The following PXDN variants were observed in gnomAD, a reference collection of about 807,000 sequenced individuals.
PXDN encodes the protein peroxidasin homolog.
A neutral mutation model predicts 140.3 loss-of-function variants in PXDN; 77 were observed. That is an observed-to-expected ratio of 0.55 (90% CI 0.46 to 0.66). PXDN has a LOEUF of 0.66. Among genes scored for constraint, PXDN ranks in the 30% least tolerant of loss-of-function variants. The pLI is 0.00. For synonymous variants in PXDN, 911 were observed against 857.4 expected (o/e 1.06, Z -1.09); for missense variants, 1,838 against 2,039.5 (o/e 0.90, Z 1.90).
In PXDN at chr2:1,632,383, C is replaced by G. The variant is rs749731137; in HGVS notation, c.*1821G>C. 6.6e-6 allele frequency: 1 copy of G among 152,188 alleles called. No homozygotes were observed. Among genetic ancestry groups the G allele is most frequent in the Non-Finnish European group, 1.5e-5 (1 of 68,048 alleles). The allele number at this position is 152,188 out of a possible 1,614,324, so 9.4% of individuals were successfully genotyped here. ...ACTTACATAACCATCAGCTTTTAGA[C>G]GAACTTACACATTTCCTATTTGACA... On this transcript the variant is annotated 3_prime_UTR_variant, in exon 23 of 23. Transcript: ENST00000252804. The surrounding 1 kb of genome is among the most constrained non-coding windows in gnomAD (Gnocchi z 4.3).
At chr2:1,719,834 TTGTGTGTGTGTGTGTGTGTG>T (rs36227356) in intron 1 of PXDN, among the ~76,000 whole-genome samples, 7 of 108,264 alleles carry the variant, frequency 6.5e-5, no homozygotes, top group Non-Finnish European at 1.3e-4. Context: ...CATGCGTGCA[TTGTGTGTGTGTGTGTGTGTG>T]TGTGTGTGTG....
At chr2:1,716,190 C>T (rs915617460) in intron 1 of PXDN, among the ~76,000 whole-genome samples, 1 of 152,106 alleles carries the variant, frequency 6.6e-6, no homozygotes, top group South Asian at 2.1e-4. Flanking sequence ...GTAATCCCAG[C>T]ACTTTGGCAG....
chr2:1,700,190 T>C (rs186176553), intron 1 of PXDN, among the ~76,000 whole-genome samples: 87 of 152,286 alleles, frequency 5.7e-4, no homozygotes, highest in African/African-American at 1.9e-3. Flanking sequence ...GCCTCCCAAG[T>C]AGCTGGGATT....
intron 18 of PXDN, 38 bp downstream of exon 18, chr2:1,644,580 C>A: frequency 6.4e-7 from 1 of 1,553,976 alleles, no homozygotes; most frequent in Non-Finnish European, 8.7e-7. Flanking sequence ...AAGAAGGTGG[C>A]TTAGGAGCGT....
At chr2:1,716,085 CTGTGGCTT>C (rs1243459277) in intron 1 of PXDN, among the ~76,000 whole-genome samples, 1 of 152,160 alleles carries the variant, frequency 6.6e-6, no homozygotes, top group African/African-American at 2.4e-5. Flanking sequence ...ACCTGACTGG[CTGTGGCTT>C]CCTGGACAGA....
At chr2:1,738,589 C>A (rs915780385) in intron 1 of PXDN, among the ~76,000 whole-genome samples, 1 of 150,878 alleles carries the variant, frequency 6.6e-6, no homozygotes, top group African/African-American at 2.4e-5. Flanking sequence ...CGCTCTGTCA[C>A]CCAGGCTGCA....
chr2:1,709,268 G>T (rs1314846385), intron 1 of PXDN, among the ~76,000 whole-genome samples: 2 of 152,168 alleles, frequency 1.3e-5, no homozygotes, highest in African/African-American at 4.8e-5. Context: ...TGACCACGGC[G>T]CTCGCTGCAG....
Position 1,662,176 on chromosome 2 carries a change from C to A in PXDN, c.1576G>T (p.Val526Leu), listed in dbSNP as rs371823717. 6 of 1,584,006 alleles carry A rather than the reference C, an allele frequency of 3.8e-6. No individual in the cohort carries two copies. The highest frequency in any genetic ancestry group is 5.2e-6 in the Non-Finnish European group (6 of 1,164,568). ...GTGTCGCTGGGAATGCTGGCAAACACTGGGGTGACTGGAAGGCAGATGTAG... is the reference window on the plus strand; with the variant it reads ...GTGTCGCTGGGAATGCTGGCAAACAATGGGGTGACTGGAAGGCAGATGTAG... The part of the protein sequence containing the change: ...HLTVQPRVTP[V>L]FASIPSDTTV... Residue 526 changes from valine to leucine, a missense_variant, in exon 13 of 23, where the codon GTG becomes TTG. Val to Leu is a conservative substitution (Grantham distance 32). This residue lies in a region of PXDN where 537 missense variants were observed against 583.9 expected (regional missense o/e 0.92). Coordinates refer to ENST00000252804, the MANE Select transcript of PXDN (RefSeq NM_012293.3).
At chr2:1,697,140 A>G (rs1233554691) in intron 1 of PXDN, among the ~76,000 whole-genome samples, 3 of 152,218 alleles carry the variant, frequency 2.0e-5, no homozygotes, top group Non-Finnish European at 4.4e-5. Flanking sequence ...CGTGGGTTCA[A>G]ATAAGATTTC....
intron 14 of PXDN, among the ~76,000 whole-genome samples, chr2:1,659,593 C>T (rs971505610): frequency 2.2e-4 from 33 of 152,126 alleles, no homozygotes; most frequent in African/African-American, 7.5e-4. Context: ...GATGGAATTA[C>T]GGGTGGACGA....
intron 1 of PXDN, among the ~76,000 whole-genome samples, chr2:1,700,762 T>C (rs553473701): frequency 1.3e-5 from 2 of 152,072 alleles, no homozygotes; most frequent in African/African-American, 4.8e-5. Context: ...GTAATCCCAG[T>C]TACTCAGGAG....
rs373895367 is a variant in PXDN at position 1,666,365 on chromosome 2, G to A, written c.1140C>T (p.Arg380=). Residue 380 remains arginine, a synonymous_variant, in exon 10 of 23, where the codon CGC becomes CGT. Coordinates refer to ENST00000252804, the MANE Select transcript of PXDN (RefSeq NM_012293.3). ...PPRISWTRGD[R]TPLPVDPRVN... is the part of the protein sequence containing the mutation. Reference sequence around the variant, plus strand: ...CCCGCGGGTCAACTGGCAAGGGTGTGCGGTCACCTCTCGTCCAGGAGATCC... The same window carrying A: ...CCCGCGGGTCAACTGGCAAGGGTGTACGGTCACCTCTCGTCCAGGAGATCC... 3.7e-6 allele frequency: 6 copies of A among 1,613,928 alleles called. No individual in the cohort carries two copies. In the African/African-American group the frequency reaches 8.0e-5, roughly 22 times the overall value.
At chr2:1,688,359 T>C (rs1270651546) in intron 3 of PXDN, among the ~76,000 whole-genome samples, 1 of 152,238 alleles carries the variant, frequency 6.6e-6, no homozygotes, top group Non-Finnish European at 1.5e-5. Context: ...CCGCACCATC[T>C]GGGGCTGCGC....
At chr2:1,732,743 A>G (rs1685338785) in intron 1 of PXDN, among the ~76,000 whole-genome samples, 1 of 152,264 alleles carries the variant, frequency 6.6e-6, no homozygotes, top group Non-Finnish European at 1.5e-5. Context: ...TCTGCTTAAA[A>G]AATGATATGG....
At position 1,654,483 on chromosome 2, in the gene PXDN, A is replaced by G; in HGVS notation, c.1863T>C (p.Asp621=). The part of the protein sequence containing the change: ...VNVPDVSRNG[D]PFVATSIVEA... ...CCACGATGGAGGTAGCTACAAACGG[A>G]TCTCCATTTCGACTGACGTCAGGAA... Residue 621 remains aspartate (D), a synonymous_variant, in exon 15 of 23, where the codon GAT becomes GAC. Coordinates refer to ENST00000252804, the MANE Select transcript of PXDN (RefSeq NM_012293.3). 6.2e-7 allele frequency: 1 copy of G among 1,613,544 alleles called. No homozygotes were observed. Among genetic ancestry groups the G allele is most frequent in the Middle Eastern group, 1.6e-4 (1 of 6,062 alleles).
At chr2:1,701,958 C>T (rs1011535868) in intron 1 of PXDN, among the ~76,000 whole-genome samples, 2 of 152,176 alleles carry the variant, frequency 1.3e-5, no homozygotes, top group East Asian at 1.9e-4. Flanking sequence ...CTTGGACTTC[C>T]AGCCTCCAGA....
chr2:1,737,048 C>G (rs1558533352), intron 1 of PXDN, among the ~76,000 whole-genome samples: 1 of 152,174 alleles, frequency 6.6e-6, no homozygotes, highest in Non-Finnish European at 1.5e-5. Flanking sequence ...CCTGCTTTCC[C>G]GTAAACACCC....
chr2:1,743,810 C>T (rs1685616606), intron 1 of PXDN, among the ~76,000 whole-genome samples: 2 of 85,914 alleles, frequency 2.3e-5, no homozygotes, highest in South Asian at 4.3e-4. Flanking sequence ...GCGCCGCGCT[C>T]GGGGAGCGGA....
Position 1,707,524 on chromosome 2 carries a change from G to C in PXDN, c.201-14390C>G, listed in dbSNP as rs1684646110. On this transcript the variant is annotated intron_variant, in intron 1 of 22. Transcript: ENST00000252804. ...CAGAAAGAAATTATGATTTAATTGTGATATGTCTGACTTTTGTGTAAATAA... is the reference window on the plus strand; with the variant it reads ...CAGAAAGAAATTATGATTTAATTGTCATATGTCTGACTTTTGTGTAAATAA... Among the ~76,000 whole-genome samples the C allele has an allele frequency of 2.0e-5, 3 of 152,246 alleles. No individual in the cohort carries two copies. In the South Asian group the frequency reaches 6.2e-4, roughly 32 times the overall value.
Sources: allele counts gnomAD v4.1 joint callset (sites outside exome capture counted in the v4.1 genomes callset), GRCh38; gene constraint gnomAD v4.1.1; regional missense constraint gnomAD v4.1.1; non-coding constraint Gnocchi (gnomAD v3.1); transcripts MANE v1.5; gene names NCBI Gene and HGNC (gene_info 2026-07-23, HGNC 2026-07-21).